LRRC37A2: variants seen among roughly 807,000 people sequenced by gnomAD.
The protein encoded by LRRC37A2 is leucine rich repeat containing 37 member A2.
Under a neutral mutation model 68.8 loss-of-function variants are expected in LRRC37A2, and 9 were observed. That is an observed-to-expected ratio of 0.13 (90% CI 0.08 to 0.23). The LOEUF (loss-of-function observed/expected upper bound fraction) is 0.23, where lower values mean the gene tolerates loss of function less well. LRRC37A2 is among the 10% of genes least tolerant of loss of function. The probability of loss-of-function intolerance (pLI) is 1.00; values close to 1 mark genes in which losing one functional copy is unlikely to be tolerated. For synonymous variants in LRRC37A2, 63 were observed against 367.6 expected, an observed-to-expected ratio of 0.17 and a Z score of 9.48; for missense variants, 168 against 950.4, an observed-to-expected ratio of 0.18 and a Z score of 10.82.
chr17:46,837,134 G>T, the LRRC37A2 span, among the ~76,000 whole-genome samples: 1 of 152,050 alleles, frequency 6.6e-6, no homozygotes, highest in African/African-American at 2.4e-5. Flanking sequence ...GTAGAGATGG[G>T]GTTTCACCAT....
the LRRC37A2 span, among the ~76,000 whole-genome samples, chr17:46,873,892 G>A: frequency 7.9e-5 from 12 of 151,894 alleles, no homozygotes; most frequent in Non-Finnish European, 1.5e-4. Flanking sequence ...GGGAGGCTGA[G>A]GCAGGAGAAT....
the LRRC37A2 span, among the ~76,000 whole-genome samples, chr17:46,754,943 G>C: frequency 1.3e-5 from 2 of 152,222 alleles, no homozygotes; most frequent in African/African-American, 2.4e-5. Context: ...TGTGACTTTA[G>C]TAGCCTTTTA....
At chr17:46,944,298 T>G in the LRRC37A2 span, among the ~76,000 whole-genome samples, 1 of 152,350 alleles carries the variant, frequency 6.6e-6, no homozygotes, top group East Asian at 1.9e-4. Flanking sequence ...GTAAGAGCGC[T>G]GAGCCCAGGA....
chr17:46,717,124 T>G, the LRRC37A2 span, among the ~76,000 whole-genome samples: 3 of 152,088 alleles, frequency 2.0e-5, no homozygotes, highest in Non-Finnish European at 4.4e-5. Context: ...ATAAAGAAAA[T>G]GTGACACATA....
chr17:46,635,819 G>GTGTGT, the LRRC37A2 span, among the ~76,000 whole-genome samples: 1 of 135,584 alleles, frequency 7.4e-6, no homozygotes, highest in Non-Finnish European at 1.7e-5. Context: ...GTGTGTGTGT[G>GTGTGT]CTCGTGTGTG....
At chr17:46,812,224 AAAG>A in the LRRC37A2 span, among the ~76,000 whole-genome samples, 9 of 152,170 alleles carry the variant, frequency 5.9e-5, no homozygotes, top group African/African-American at 1.4e-4. Context: ...GCAGCGGGAT[AAAG>A]AAGGACCCTG....
the LRRC37A2 span, chr17:47,017,706 A>T: frequency 2.5e-6 from 4 of 1,610,902 alleles, no homozygotes. Flanking sequence ...CCAATTATCC[A>T]CACCTCATAG....
At chr17:46,904,149 T>C in the LRRC37A2 span, among the ~76,000 whole-genome samples, 1 of 148,866 alleles carries the variant, frequency 6.7e-6, no homozygotes, top group Non-Finnish European at 1.5e-5. Context: ...GCTGGGTGGC[T>C]GGGCAGATGA....
At chr17:46,937,434 T>C in the LRRC37A2 span, 1 of 152,248 alleles carries the variant, frequency 6.6e-6, no homozygotes, top group Non-Finnish European at 1.5e-5. Context: ...ATTTTAAGTA[T>C]TTTTGTTGAG....
the LRRC37A2 span, among the ~76,000 whole-genome samples, chr17:46,981,738 G>A: frequency 2.6e-5 from 4 of 151,966 alleles, no homozygotes; most frequent in South Asian, 4.2e-4. Context: ...ACAGGATCTC[G>A]CTCTGTTGCC....
At chr17:46,923,031 T>A in the LRRC37A2 span, 1 of 657,946 alleles carries the variant, frequency 1.5e-6, no homozygotes, top group African/African-American at 1.8e-5. Context: ...TCCTTCCCCT[T>A]CTCCGATCTC....
At chr17:46,989,232 G>A in the LRRC37A2 span, among the ~76,000 whole-genome samples, 3 of 152,314 alleles carry the variant, frequency 2.0e-5, no homozygotes, top group South Asian at 4.1e-4. Flanking sequence ...CAGGGTCTGT[G>A]AAGGCAGGAA....
At chr17:46,901,859 C>T in the LRRC37A2 span, among the ~76,000 whole-genome samples, 5 of 145,570 alleles carry the variant, frequency 3.4e-5, no homozygotes, top group African/African-American at 5.3e-5. Context: ...CAGGCTGGAG[C>T]GCAATGGCGC....
At chr17:46,713,895 C>G in the LRRC37A2 span, 1 of 1,612,652 alleles carries the variant, frequency 6.2e-7, no homozygotes, top group Non-Finnish European at 8.5e-7. Flanking sequence ...GCAAAAATTG[C>G]AGAGGAATCC....
chr17:46,500,117 G>A, the LRRC37A2 span, among the ~76,000 whole-genome samples: 4 of 149,466 alleles, frequency 2.7e-5, no homozygotes, highest in Admixed American at 2.0e-4. Flanking sequence ...AGACTGTGCT[G>A]GAAGTTCATT....
At chr17:46,388,562 C>CAA in the LRRC37A2 span, among the ~76,000 whole-genome samples, 1 of 1,632 alleles carries the variant, frequency 6.1e-4, no homozygotes, top group East Asian at 6.7e-3. Context: ...AACTCCGTCT[C>CAA]AAAAAAAAAA....
chr17:46,923,451 CTGCAAGTTCG>C, the LRRC37A2 span: 4 of 1,400,776 alleles, frequency 2.9e-6, no homozygotes, highest in Non-Finnish European at 3.7e-6. Flanking sequence ...CTCCTGGGGT[CTGCAAGTTCG>C]TGACTACCTG....
the LRRC37A2 span, among the ~76,000 whole-genome samples, chr17:46,860,432 G>A: frequency 6.6e-6 from 1 of 152,236 alleles, no homozygotes; most frequent in African/African-American, 2.4e-5. Flanking sequence ...CTGTTATAGT[G>A]TAAGGGGCAC....
the LRRC37A2 span, among the ~76,000 whole-genome samples, chr17:46,760,913 G>A: frequency 4.6e-5 from 7 of 152,288 alleles, no homozygotes; most frequent in South Asian, 1.4e-3. Context: ...AGGTGCATAT[G>A]AAATCAATGA....
Sources: gnomAD v4.1 joint callset for allele counts (sites outside exome capture counted in the v4.1 genomes callset) on GRCh38, gnomAD v4.1.1 for gene constraint, MANE v1.5 for transcripts, NCBI Gene and HGNC (gene_info 2026-07-23, HGNC 2026-07-21) for gene names.